PKNOX2: variants seen among roughly 807,000 people sequenced by gnomAD.
PKNOX2 encodes the protein PBX/knotted 1 homeobox 2, also known as homeobox protein PKNOX2.
Under a neutral mutation model 53.1 loss-of-function variants are expected in PKNOX2, and 14 were observed. The observed-to-expected ratio is 0.26, with a 90% CI of 0.17 to 0.41. The LOEUF (loss-of-function observed/expected upper bound fraction) is 0.41, where lower values mean the gene tolerates loss of function less well. Ranked by LOEUF, PKNOX2 falls within the 10% of genes least tolerant of loss-of-function variation. The probability of loss-of-function intolerance (pLI) is 1.00; values close to 1 mark genes in which losing one functional copy is unlikely to be tolerated. For missense variants in PKNOX2, 496 were observed against 602.8 expected (o/e 0.82, Z 1.85); for synonymous variants, 257 against 242.8 (o/e 1.06, Z -0.54).
At chr11:125,221,445 C>A (rs1250388478) in intron 1 of PKNOX2, among the ~76,000 whole-genome samples, 1 of 152,158 alleles carries the variant, frequency 6.6e-6, no homozygotes, top group East Asian at 1.9e-4. Flanking sequence ...GCTAAGCAGC[C>A]CACCCTGCTC....
At chr11:125,279,595 G>A (rs1946414967) in intron 2 of PKNOX2, among the ~76,000 whole-genome samples, 1 of 152,136 alleles carries the variant, frequency 6.6e-6, no homozygotes, top group Non-Finnish European at 1.5e-5. Flanking sequence ...GGGGCATCTG[G>A]TGGGCCCTGC....
chr11:125,310,771 T>C (rs1016846191), intron 2 of PKNOX2, among the ~76,000 whole-genome samples: 1 of 152,192 alleles, frequency 6.6e-6, no homozygotes, highest in Non-Finnish European at 1.5e-5. Flanking sequence ...TTTAAAGCTA[T>C]GAGATGCTAG....
chr11:125,247,865 G>A (rs976574332), intron 2 of PKNOX2, among the ~76,000 whole-genome samples: 2 of 152,116 alleles, frequency 1.3e-5, no homozygotes, highest in Non-Finnish European at 2.9e-5. Context: ...TTTTCCCAAA[G>A]TCTTTTTTTG....
intron 2 of PKNOX2, among the ~76,000 whole-genome samples, chr11:125,314,756 G>A (rs898174703): frequency 5.9e-5 from 9 of 152,084 alleles, no homozygotes; most frequent in Non-Finnish European, 1.2e-4. Context: ...CCCCCGAGAG[G>A]ACAAAAAACC....
chr11:125,216,342 C>T (rs938728849), intron 1 of PKNOX2, among the ~76,000 whole-genome samples: 2 of 152,152 alleles, frequency 1.3e-5, no homozygotes, highest in African/African-American at 2.4e-5. Context: ...CTCTGGGCCC[C>T]GTTTTCCTTC....
At chr11:125,293,082 T>C (rs1276180748) in intron 2 of PKNOX2, among the ~76,000 whole-genome samples, 1 of 152,100 alleles carries the variant, frequency 6.6e-6, no homozygotes, top group African/African-American at 2.4e-5. Flanking sequence ...TGCTTGTATA[T>C]GCATAGAATC....
chr11:125,334,764 G>A (rs1255598868), intron 3 of PKNOX2, among the ~76,000 whole-genome samples: 2 of 143,718 alleles, frequency 1.4e-5, no homozygotes, highest in Non-Finnish European at 3.0e-5. Context: ...ATGCTGGACT[G>A]ATTTTTGTAT....
At chr11:125,303,219 T>A (rs1948194953) in intron 2 of PKNOX2, among the ~76,000 whole-genome samples, 1 of 152,266 alleles carries the variant, frequency 6.6e-6, no homozygotes. Flanking sequence ...ATTTTGCTTT[T>A]CAATTTTCAT....
At chr11:125,247,667 C>G (rs1397455624) in intron 2 of PKNOX2, among the ~76,000 whole-genome samples, 1 of 152,128 alleles carries the variant, frequency 6.6e-6, no homozygotes, top group African/African-American at 2.4e-5. Flanking sequence ...AGAGCAGCAG[C>G]CTCCCTCTCT....
chr11:125,264,929 G>T (rs556682750), intron 2 of PKNOX2, among the ~76,000 whole-genome samples: 1 of 152,152 alleles, frequency 6.6e-6, no homozygotes, highest in African/African-American at 2.4e-5. Context: ...CTCTGGGGGC[G>T]TAAAGAAAGT....
chr11:125,256,901 CT>C, intron 2 of PKNOX2, among the ~76,000 whole-genome samples: 1 of 152,248 alleles, frequency 6.6e-6, no homozygotes, highest in Admixed American at 6.5e-5. Context: ...TTCCTTGTGG[CT>C]TTGGTAGAAT....
chr11:125,204,171 G>T (rs562566573), intron 1 of PKNOX2, among the ~76,000 whole-genome samples: 3 of 152,326 alleles, frequency 2.0e-5, no homozygotes, highest in African/African-American at 7.2e-5. Flanking sequence ...AGAAGCAAAG[G>T]CCTGCTCCTT....
At chr11:125,331,983 TTTC>T (rs1427112031) in intron 3 of PKNOX2, 58 bp downstream of exon 3, 1 of 152,204 alleles carries the variant, frequency 6.6e-6, no homozygotes, top group East Asian at 1.9e-4. Context: ...CAGGATATCT[TTTC>T]TTCTGAAGGC....
chr11:125,390,747 C>G (rs148743965), intron 6 of PKNOX2, among the ~76,000 whole-genome samples: 240 of 152,344 alleles, frequency 1.6e-3, no homozygotes, highest in African/African-American at 5.5e-3. Flanking sequence ...GAAGCCCACC[C>G]TCCTTCCTCG....
chr11:125,323,573 G>A (rs371666266), intron 2 of PKNOX2, among the ~76,000 whole-genome samples: 2 of 152,210 alleles, frequency 1.3e-5, no homozygotes, highest in African/African-American at 4.8e-5. Context: ...AGGAAATAGA[G>A]CCCTGAGAAG....
intron 2 of PKNOX2, among the ~76,000 whole-genome samples, chr11:125,282,028 G>C (rs1032192582): frequency 6.6e-6 from 1 of 152,170 alleles, no homozygotes; most frequent in African/African-American, 2.4e-5. Flanking sequence ...CTGCTGCCAC[G>C]CCAGTGCTGT....
At chr11:125,224,972 T>C (rs2135520960) in intron 1 of PKNOX2, among the ~76,000 whole-genome samples, 1 of 152,272 alleles carries the variant, frequency 6.6e-6, no homozygotes, top group East Asian at 1.9e-4. Flanking sequence ...TCCCCCAGGG[T>C]CTGGGTGCTG....
At chr11:125,367,316 C>G (rs935685807) in intron 4 of PKNOX2, among the ~76,000 whole-genome samples, 1 of 152,182 alleles carries the variant, frequency 6.6e-6, no homozygotes, top group Non-Finnish European at 1.5e-5. Context: ...CTAAAGCCTG[C>G]TTATCTTGAA....
At chr11:125,315,605 G>T (rs1244955960) in intron 2 of PKNOX2, among the ~76,000 whole-genome samples, 1 of 152,194 alleles carries the variant, frequency 6.6e-6, no homozygotes, top group Non-Finnish European at 1.5e-5. Flanking sequence ...TGCCTTGCAG[G>T]GCTGGGAGGG....
Sources: allele counts gnomAD v4.1 joint callset (sites outside exome capture counted in the v4.1 genomes callset), GRCh38; gene constraint gnomAD v4.1.1; transcripts MANE v1.5; gene names NCBI Gene and HGNC (gene_info 2026-07-23, HGNC 2026-07-21).